VGLL3: variants seen among roughly 807,000 people sequenced by gnomAD.
VGLL3 encodes transcription cofactor vestigial-like protein 3.
In VGLL3, 18 loss-of-function variants were observed where a neutral mutation model predicts 29.2. The ratio of observed to expected loss-of-function variants is 0.62; its 90% CI spans 0.43 to 0.91. The LOEUF (loss-of-function observed/expected upper bound fraction) is 0.91, where lower values mean the gene tolerates loss of function less well. Among genes scored for constraint, VGLL3 ranks in the 40% least tolerant of loss-of-function variants. VGLL3 has a pLI of 0.00. For missense variants in VGLL3, 440 were observed against 413.2 expected (o/e 1.06, Z -0.56); for synonymous variants, 180 against 151.8 (o/e 1.19, Z -1.36).
intron 1 of VGLL3, 108 bp from the exon 2 acceptor site, chr3:86,978,910 T>C: frequency 3.2e-6 from 4 of 1,234,400 alleles, no homozygotes; most frequent in Non-Finnish European, 4.4e-6. Flanking sequence ...AACATATGTT[T>C]GCAAACTGAT....
At chr3:86,972,141 G>C (rs1705114860) in intron 2 of VGLL3, among the ~76,000 whole-genome samples, 4 of 152,102 alleles carry the variant, frequency 2.6e-5, no homozygotes, top group Admixed American at 2.6e-4. Context: ...ATGCGCAAAT[G>C]GGAATAATGA....
chr3:86,944,689 C>G lies in VGLL3; in HGVS notation c.*2335G>C, dbSNP rs1704470387. On this transcript the variant is annotated 3_prime_UTR_variant, in exon 4 of 4. Coordinates refer to ENST00000398399, the MANE Select transcript of VGLL3 (RefSeq NM_016206.4). ...TTACCGGGAGAACACAGAGCAAAGT[C>G]TAAATTCAGGGTGAAGACATCTAAT... 1 of 152,166 alleles carries G rather than the reference C, an allele frequency of 6.6e-6. No individual in the cohort carries two copies. The highest frequency in any genetic ancestry group is 1.5e-5 in the Non-Finnish European group (1 of 68,042). The allele number at this position is 152,166 out of a possible 1,614,324, so 9.4% of individuals were successfully genotyped here.
Position 86,943,700 on chromosome 3 carries a change from A to G in VGLL3, c.*3324T>C, listed in dbSNP as rs1335568306. ...AGAGAGGGTGCTTAACTTTCTTAAG[A>G]AGACACATTGATTTCTCAAAAGTTT... On this transcript the variant is annotated 3_prime_UTR_variant, in exon 4 of 4. Coordinates refer to ENST00000398399, the MANE Select transcript of VGLL3 (RefSeq NM_016206.4). 1 of 152,178 alleles carries G rather than the reference A, an allele frequency of 6.6e-6. No homozygotes were observed. Among genetic ancestry groups the G allele is most frequent in the East Asian group, 1.9e-4 (1 of 5,188 alleles). The allele number at this position is 152,178 out of a possible 1,614,324, so 9.4% of individuals were successfully genotyped here. A position where few individuals can be genotyped will look rare whatever the true frequency, so the allele number is the denominator to read the frequency against.
intron 3 of VGLL3, among the ~76,000 whole-genome samples, chr3:86,954,650 A>C (rs574031345): frequency 6.6e-6 from 1 of 152,196 alleles, no homozygotes; most frequent in Non-Finnish European, 1.5e-5. Flanking sequence ...GCAATTTACC[A>C]GTCTCAAAAT....
intron 2 of VGLL3, among the ~76,000 whole-genome samples, chr3:86,977,500 A>AT (rs1673631685): frequency 6.6e-6 from 1 of 152,214 alleles, no homozygotes; most frequent in African/African-American, 2.4e-5. Flanking sequence ...ACACCTTCCT[A>AT]TGAAGATTCT....
In VGLL3 at chr3:86,946,579, CA is replaced by C. The variant is rs1704511336; in HGVS notation, c.*444del. Reference sequence around the variant, plus strand: ...ACAATTTTAAAAAAAATACATCCCTCAAAAATAGCCCATCAATGCTAAACCA... The same window carrying C: ...ACAATTTTAAAAAAAATACATCCCTCAAAATAGCCCATCAATGCTAAACCA... On this transcript the variant is annotated 3_prime_UTR_variant, in exon 4 of 4. Coordinates refer to ENST00000398399, the MANE Select transcript of VGLL3 (RefSeq NM_016206.4). 6.5e-6 allele frequency: 1 copy of C among 152,752 alleles called. No homozygotes were observed. Among genetic ancestry groups the C allele is most frequent in the Non-Finnish European group, 1.5e-5 (1 of 68,504 alleles). The allele number at this position is 152,752 out of a possible 1,614,324, so 9.5% of individuals were successfully genotyped here.
At chr3:86,954,977 C>A (rs1488730404) in intron 3 of VGLL3, among the ~76,000 whole-genome samples, 1 of 150,848 alleles carries the variant, frequency 6.6e-6, no homozygotes, top group Non-Finnish European at 1.5e-5. Context: ...TTCTAACTAT[C>A]CAGACATCTG....
At chr3:86,988,689 G>GT (rs1705509513) in intron 1 of VGLL3, among the ~76,000 whole-genome samples, 1 of 60,166 alleles carries the variant, frequency 1.7e-5, no homozygotes, top group African/African-American at 7.2e-5. Flanking sequence ...AAAAAAAGAA[G>GT]AAGAAGAAGG....
chr3:86,948,862 T>G (rs1014940678), intron 3 of VGLL3, among the ~76,000 whole-genome samples: 1 of 152,194 alleles, frequency 6.6e-6, no homozygotes, highest in Non-Finnish European at 1.5e-5. Context: ...CCACTCTAAG[T>G]TTGCTTTATT....
At position 86,990,950 on chromosome 3, in the gene VGLL3, C is replaced by A. The variant is rs1021430812; in HGVS notation, c.-207G>T. Reference sequence around the variant, plus strand: ...CAATCAGCGGGGGCCCATGCGCGGGCACCTTCATCTTCAGCCCCTCCGGAT... The same window carrying A: ...CAATCAGCGGGGGCCCATGCGCGGGAACCTTCATCTTCAGCCCCTCCGGAT... On this transcript the variant is annotated 5_prime_UTR_variant, in exon 1 of 4. Coordinates refer to ENST00000398399, the MANE Select transcript of VGLL3 (RefSeq NM_016206.4). 2 of 1,072,408 alleles carry A rather than the reference C, an allele frequency of 1.9e-6. No homozygotes were observed. Among genetic ancestry groups the A allele is most frequent in the African/African-American group, 1.7e-5 (1 of 59,440 alleles). The allele number at this position is 1,072,408 out of a possible 1,614,324, so 66.4% of individuals were successfully genotyped here.
chr3:86,967,041 T>A (rs1162912867), intron 3 of VGLL3, among the ~76,000 whole-genome samples: 2 of 151,760 alleles, frequency 1.3e-5, no homozygotes, highest in East Asian at 3.9e-4. Context: ...TGAATCAAGC[T>A]CACACCAAAG....
rs189666679 is a variant in VGLL3 at position 86,952,563 on chromosome 3, T to C, written c.938-5496A>G. On this transcript the variant is annotated intron_variant, in intron 3 of 3. Transcript: ENST00000398399. Reference sequence around the variant, plus strand: ...AAGCCTGAAAGTGTGTGTAGAAACTTTGAAGACCTAAAAGTAAAGATAGCA... The same window carrying C: ...AAGCCTGAAAGTGTGTGTAGAAACTCTGAAGACCTAAAAGTAAAGATAGCA... Among the ~76,000 whole-genome samples the C allele has an allele frequency of 3.7e-4, 56 of 152,268 alleles. 1 individual carries two copies. The East Asian group carries it at 7.1e-3, about 19-fold the overall frequency.
rs552424738 is a variant in VGLL3 at position 86,943,222 on chromosome 3, T to C, written c.*3802A>G. The C allele has an allele frequency of 6.6e-6, 1 of 152,184 alleles. No homozygotes were observed. Among genetic ancestry groups the C allele is most frequent in the Non-Finnish European group, 1.5e-5 (1 of 68,034 alleles). 9.4% of individuals were successfully genotyped at this position (152,184 alleles called of 1,614,324 possible). A position where few individuals can be genotyped will look rare whatever the true frequency, so the allele number is the denominator to read the frequency against. ...ATCCCTCATTCAAAACTCTAACATA[T>C]ATACTTTCCTTTTTCCACCACTTAA... is the stretch of plus-strand genomic sequence containing the variant. On this transcript the variant is annotated 3_prime_UTR_variant, in exon 4 of 4. Transcript: ENST00000398399.
chr3:86,949,324 C>T (rs991893423), intron 3 of VGLL3, among the ~76,000 whole-genome samples: 1 of 151,952 alleles, frequency 6.6e-6, no homozygotes, highest in African/African-American at 2.4e-5. Flanking sequence ...TTCTACAATG[C>T]GAATCTTAAA....
At chr3:86,963,300 A>G (rs1005966136) in intron 3 of VGLL3, among the ~76,000 whole-genome samples, 1 of 152,214 alleles carries the variant, frequency 6.6e-6, no homozygotes, top group African/African-American at 2.4e-5. Flanking sequence ...CACGCATGAA[A>G]CTTGAAAACA....
At position 86,939,994 on chromosome 3, in the gene VGLL3, T is replaced by A. The variant is rs1393011308; in HGVS notation, c.*7030A>T. The stretch of plus-strand genomic sequence containing the variant: ...TTTTAGGCCGTTATCGTTGTAGTAA[T>A]GTAGTAATATTTTACAGCAGTTCTA... On this transcript the variant is annotated 3_prime_UTR_variant, in exon 4 of 4. Transcript: ENST00000398399. 1 of 152,186 alleles carries A rather than the reference T, an allele frequency of 6.6e-6. No individual in the cohort carries two copies. Among genetic ancestry groups the A allele is most frequent in the Non-Finnish European group, 1.5e-5 (1 of 68,034 alleles). 9.4% of individuals were successfully genotyped at this position (152,186 alleles called of 1,614,324 possible).
chr3:86,967,366 C>G (rs1361365312), intron 3 of VGLL3, among the ~76,000 whole-genome samples: 1 of 152,162 alleles, frequency 6.6e-6, no homozygotes, highest in African/African-American at 2.4e-5. Flanking sequence ...ACACACGCAT[C>G]TGCAGAGGGA....
At chr3:86,971,944 A>C (rs773682200) in intron 2 of VGLL3, among the ~76,000 whole-genome samples, 3 of 152,174 alleles carry the variant, frequency 2.0e-5, no homozygotes, top group Non-Finnish European at 4.4e-5. Flanking sequence ...CTAGAATCCT[A>C]TTATGAAAAC....
chr3:86,975,805 T>C (rs1378120819), intron 2 of VGLL3, among the ~76,000 whole-genome samples: 4 of 151,990 alleles, frequency 2.6e-5, no homozygotes, highest in East Asian at 1.9e-4. Context: ...GATAAACTGA[T>C]GTAAAAAGCT....
Sources: allele counts gnomAD v4.1 joint callset (sites outside exome capture counted in the v4.1 genomes callset), GRCh38; gene constraint gnomAD v4.1.1; transcripts MANE v1.5; gene names NCBI Gene and HGNC (gene_info 2026-07-23, HGNC 2026-07-21).